The following USP24 variants were observed in gnomAD, a reference collection of about 807,000 sequenced individuals.
USP24 encodes ubiquitin carboxyl-terminal hydrolase 24.
A neutral mutation model predicts 361.6 loss-of-function variants in USP24; 97 were observed. The observed-to-expected ratio is 0.27, with a 90% CI of 0.23 to 0.32. The LOEUF is 0.32. Ranked by LOEUF, USP24 falls within the 10% of genes least tolerant of loss-of-function variation. The pLI is 1.00. For synonymous variants in USP24, 1,098 were observed against 1,124.6 expected, an observed-to-expected ratio of 0.98 and a Z score of 0.47; for missense variants, 2,353 against 3,165.6, an observed-to-expected ratio of 0.74 and a Z score of 6.16.
Position 55,099,992 on chromosome 1 carries a change from T to C in USP24, c.5272-123A>G. On this transcript the variant is annotated intron_variant, in intron 44 of 67. Transcript: ENST00000294383. ...CAGGTTCACTATTAGGATGTGGACA[T>C]TTCTAGTGAAGTGAGACTAGCTTGT... 8.9e-6 allele frequency: 6 copies of C among 671,766 alleles called. No homozygotes were observed. The South Asian group carries it at 1.2e-4, about 13-fold the overall frequency. The allele number at this position is 671,766 out of a possible 1,614,324, so 41.6% of individuals were successfully genotyped here.
At position 55,172,331 on chromosome 1, in the gene USP24, TAAAC is replaced by T. The variant is rs780322731; in HGVS notation, c.702+42_702+45del. 3.3e-6 allele frequency: 5 copies of T among 1,500,994 alleles called. No homozygotes were observed. In the East Asian group the frequency reaches 1.2e-4, roughly 36 times the overall value. 93.0% of individuals were successfully genotyped at this position (1,500,994 alleles called of 1,614,324 possible). On this transcript the variant is annotated intron_variant, in intron 4 of 67. Coordinates refer to ENST00000294383, the MANE Select transcript of USP24 (RefSeq NM_015306.3). The stretch of plus-strand genomic sequence containing the variant: ...ACAAGTCAGAGAACAGCAAGTATTT[TAAAC>T]AAAATCAAAACACAAAGTACTTAAT...
intron 38 of USP24, among the ~76,000 whole-genome samples, chr1:55,117,705 C>T (rs113469497): frequency 0.012 from 1,645 of 134,666 alleles, 22 homozygotes; most frequent in African/African-American, 0.04. Flanking sequence ...CACTGCAGTC[C>T]GCAGTCCGGC....
At chr1:55,105,350 T>C (rs1446825101) in intron 41 of USP24, among the ~76,000 whole-genome samples, 2 of 152,198 alleles carry the variant, frequency 1.3e-5, no homozygotes, top group African/African-American at 4.8e-5. Flanking sequence ...AAACAGATTT[T>C]GCTAATGAGG....
intron 1 of USP24, among the ~76,000 whole-genome samples, chr1:55,182,258 G>A (rs1643993985): frequency 1.3e-5 from 2 of 152,094 alleles, no homozygotes; most frequent in Admixed American, 6.5e-5. Flanking sequence ...CACCATGTTG[G>A]CCAGGATGGT....
intron 8 of USP24, among the ~76,000 whole-genome samples, chr1:55,161,757 G>A (rs934913893): frequency 6.6e-5 from 10 of 152,134 alleles, no homozygotes; most frequent in African/African-American, 2.4e-4. Flanking sequence ...CAATCCTACG[G>A]AGGTAGGAAA....
chr1:55,072,895 C>T, intron 64 of USP24, 34 bp from the exon 65 acceptor site: 1 of 1,566,082 alleles, frequency 6.4e-7, no homozygotes, highest in Non-Finnish European at 8.7e-7. Context: ...TAGCCAAATT[C>T]TTTCTTTGCT....
intron 1 of USP24, among the ~76,000 whole-genome samples, chr1:55,187,861 C>T (rs963872010): frequency 5.9e-5 from 9 of 152,166 alleles, no homozygotes; most frequent in African/African-American, 1.9e-4. Context: ...CCAAATTGGT[C>T]TACAAATTGA....
chr1:55,167,821 T>C (rs978379180), intron 5 of USP24, among the ~76,000 whole-genome samples: 1 of 152,090 alleles, frequency 6.6e-6, no homozygotes, highest in African/African-American at 2.4e-5. Flanking sequence ...AGATAGATGA[T>C]GATGTTATTT....
intron 62 of USP24, 78 bp from the exon 63 acceptor site, chr1:55,075,601 A>T: frequency 1.1e-6 from 1 of 940,838 alleles, no homozygotes; most frequent in East Asian, 2.6e-5. Context: ...TTATAATTCT[A>T]CCCAAGAGAT....
At chr1:55,103,313 C>G (rs1645687212) in intron 42 of USP24, among the ~76,000 whole-genome samples, 1 of 152,170 alleles carries the variant, frequency 6.6e-6, no homozygotes, top group South Asian at 2.1e-4. Context: ...TGGTGAAGTG[C>G]CTCTCTGTGT....
chr1:55,096,356 T>C, intron 50 of USP24, 142 bp downstream of exon 50: 1 of 703,744 alleles, frequency 1.4e-6, no homozygotes, highest in Non-Finnish European at 2.0e-6. Flanking sequence ...ATTAAAGAGC[T>C]TGCTCATGGT....
At chr1:55,145,185 C>G (rs983715046) in intron 20 of USP24, among the ~76,000 whole-genome samples, 33 of 152,236 alleles carry the variant, frequency 2.2e-4, no homozygotes, top group African/African-American at 7.5e-4. Flanking sequence ...CAAACTCGTA[C>G]CCACTGAAAA....
intron 8 of USP24, among the ~76,000 whole-genome samples, chr1:55,161,359 G>A (rs1265962709): frequency 2.0e-5 from 3 of 149,918 alleles, no homozygotes; most frequent in East Asian, 3.9e-4. Context: ...GCAACAGAGC[G>A]AGACTCTGTC....
chr1:55,098,104 A>AAACCCACAATCAACAATGG lies in USP24; in HGVS notation c.5454-39_5454-21dup. On this transcript the variant is annotated intron_variant, in intron 46 of 67. Coordinates refer to ENST00000294383, the MANE Select transcript of USP24 (RefSeq NM_015306.3). ...TCATATCTGATTAGGAAATAACAGA[A>AAACCCACAATCAACAATGG]AACCCACAATCAACAATGGAATTTA... 5 of 1,576,672 alleles carry AAACCCACAATCAACAATGG rather than the reference A, an allele frequency of 3.2e-6. No individual in the cohort carries two copies. Among genetic ancestry groups the AAACCCACAATCAACAATGG allele is most frequent in the Non-Finnish European group, 4.3e-6 (5 of 1,165,760 alleles).
intron 62 of USP24, among the ~76,000 whole-genome samples, chr1:55,076,086 C>A (rs1480746381): frequency 6.6e-6 from 1 of 152,166 alleles, no homozygotes; most frequent in African/African-American, 2.4e-5. Flanking sequence ...AAGGTCTATT[C>A]ATTTCCTATC....
intron 54 of USP24, 127 bp downstream of exon 54, chr1:55,091,896 C>A: frequency 1.5e-6 from 1 of 664,804 alleles, no homozygotes; most frequent in South Asian, 2.1e-5. Flanking sequence ...AAGCTAGAGA[C>A]CATGTCTTAG....
chr1:55,087,281 T>C (rs1438363983), intron 55 of USP24, among the ~76,000 whole-genome samples: 2 of 152,172 alleles, frequency 1.3e-5, no homozygotes, highest in African/African-American at 4.8e-5. Flanking sequence ...CAAACTATAA[T>C]AAACTCCATC....
At chr1:55,198,563 C>G (rs116809487) in intron 1 of USP24, among the ~76,000 whole-genome samples, 1 of 152,202 alleles carries the variant, frequency 6.6e-6, no homozygotes, top group Admixed American at 6.5e-5. Flanking sequence ...TTATCAGCAT[C>G]CCTGGCCAGT....
intron 32 of USP24, among the ~76,000 whole-genome samples, chr1:55,127,503 T>C (rs535166745): frequency 6.6e-6 from 1 of 152,320 alleles, no homozygotes; most frequent in East Asian, 1.9e-4. Context: ...GTCTTTGCTA[T>C]TGTGAATAGT....
Sources: gnomAD v4.1 joint callset for allele counts (sites outside exome capture counted in the v4.1 genomes callset) on GRCh38, gnomAD v4.1.1 for gene constraint, MANE v1.5 for transcripts, NCBI Gene and HGNC (gene_info 2026-07-23, HGNC 2026-07-21) for gene names.